NRIP1: variants seen among roughly 807,000 people sequenced by gnomAD.
The protein encoded by NRIP1 is nuclear receptor interacting protein 1.
A neutral mutation model predicts 75.0 loss-of-function variants in NRIP1; 28 were observed. That is an observed-to-expected ratio of 0.37 (90% confidence interval 0.28 to 0.51). The LOEUF (loss-of-function observed/expected upper bound fraction) is 0.51, where lower values mean the gene tolerates loss of function less well. NRIP1 is among the 20% of genes least tolerant of loss of function. The probability of loss-of-function intolerance (pLI) is 0.92; values close to 1 mark genes in which losing one functional copy is unlikely to be tolerated. For synonymous variants in NRIP1, 526 were observed against 487.6 expected (o/e 1.08, Z -1.04); for missense variants, 1,435 against 1,343.7 (o/e 1.07, Z -1.06).
intron 1 of NRIP1, among the ~76,000 whole-genome samples, chr21:15,049,054 T>C (rs1367233098): frequency 6.6e-6 from 1 of 152,216 alleles, no homozygotes; most frequent in Non-Finnish European, 1.5e-5. Flanking sequence ...ATGGCTTTCT[T>C]CTTAAAATTA....
chr21:15,007,533 A>G (rs1208186910), intron 3 of NRIP1, among the ~76,000 whole-genome samples: 1 of 152,238 alleles, frequency 6.6e-6, no homozygotes, highest in Non-Finnish European at 1.5e-5. Flanking sequence ...AGTAATTCTT[A>G]CAGGGGTGCT....
At chr21:15,052,593 T>A in intron 1 of NRIP1, among the ~76,000 whole-genome samples, 1 of 152,296 alleles carries the variant, frequency 6.6e-6, no homozygotes, top group African/African-American at 2.4e-5. Context: ...AGCCAATGAC[T>A]TAAACTACAG....
intron 3 of NRIP1, among the ~76,000 whole-genome samples, chr21:14,975,190 G>A (rs906296422): frequency 2.0e-5 from 3 of 151,956 alleles, no homozygotes; most frequent in African/African-American, 7.2e-5. Context: ...ACAGTCAGTG[G>A]TATTGCTTAT....
chr21:15,010,721 G>A (rs2088081912), intron 3 of NRIP1, among the ~76,000 whole-genome samples: 1 of 152,196 alleles, frequency 6.6e-6, no homozygotes, highest in African/African-American at 2.4e-5. Flanking sequence ...GGAAGATCTG[G>A]TGGTTGTAAA....
At chr21:15,050,982 T>C (rs538981987) in intron 1 of NRIP1, 31 of 441,876 alleles carry the variant, frequency 7.0e-5, no homozygotes, top group African/African-American at 4.4e-4. Context: ...TTATTAGTAG[T>C]AGTAGCAGTA....
At position 15,016,130 on chromosome 21, in the gene NRIP1, C is replaced by G. The variant is rs77752902; in HGVS notation, c.-457-1664G>C. Among the ~76,000 whole-genome samples the G allele has an allele frequency of 0.012, 1,841 of 152,222 alleles. 201 individuals are homozygous for G. In the East Asian group the frequency reaches 0.25, roughly 21 times the overall value. Reference sequence around the variant, plus strand: ...ATGACTGTATTTGATTTTCACAACTCGGTGAAATGAGCAGAGATTCCATTT... The same window carrying G: ...ATGACTGTATTTGATTTTCACAACTGGGTGAAATGAGCAGAGATTCCATTT... On this transcript the variant is annotated intron_variant, in intron 2 of 3. Coordinates refer to ENST00000318948, the MANE Select transcript of NRIP1 (RefSeq NM_003489.4).
intron 2 of NRIP1, among the ~76,000 whole-genome samples, chr21:15,032,868 T>C (rs779371896): frequency 3.9e-5 from 6 of 152,150 alleles, no homozygotes; most frequent in Non-Finnish European, 8.8e-5. Context: ...TACAAAAATA[T>C]AAAGTAGTCT....
Position 15,016,809 on chromosome 21 carries a change from T to C in NRIP1, c.-457-2343A>G, listed in dbSNP as rs191110014. Among the ~76,000 whole-genome samples the C allele has an allele frequency of 2.7e-3, 409 of 151,660 alleles. 1 individual carries two copies. Among genetic ancestry groups the C allele is most frequent in the Middle Eastern group, 6.8e-3 (2 of 292 alleles). On this transcript the variant is annotated intron_variant, in intron 2 of 3. Coordinates refer to ENST00000318948, the MANE Select transcript of NRIP1 (RefSeq NM_003489.4). ...CTGAGGCAGGAGAATGGTGTGAACC[T>C]GGGAGGCAGAGCTTGCAGTGAGCCA...
intron 3 of NRIP1, among the ~76,000 whole-genome samples, chr21:14,973,404 T>TAA (rs2086958852): frequency 4.6e-5 from 7 of 152,116 alleles, no homozygotes; most frequent in Admixed American, 4.6e-4. Flanking sequence ...ATTAGGTTGG[T>TAA]AGATATGACA....
At chr21:15,023,816 A>G (rs932118646) in intron 2 of NRIP1, among the ~76,000 whole-genome samples, 12 of 152,230 alleles carry the variant, frequency 7.9e-5, no homozygotes, top group African/African-American at 9.6e-5. Context: ...AGTTCTAATA[A>G]TTAAGCTAGT....
At position 14,967,458 on chromosome 21, in the gene NRIP1, G is replaced by T; in HGVS notation, c.735C>A (p.Ser245Arg). 1 of 1,613,816 alleles carries T rather than the reference G, an allele frequency of 6.2e-7. No individual in the cohort carries two copies. The highest frequency in any genetic ancestry group is 1.1e-5 in the South Asian group (1 of 91,028). The change falls in exon 4 of 4, where the codon AGC (serine) becomes AGA (arginine). Residue 245 changes from serine to arginine, a missense_variant. Coordinates refer to ENST00000318948, the MANE Select transcript of NRIP1 (RefSeq NM_003489.4). ...SCAARLQAVA[S>R]MVEKRASPAT... is the part of the protein sequence containing the mutation. ...CAGGACTAGCCCTTTTTTCCACCAT[G>T]CTTGCAACAGCCTGTAATCTTGCAG...
At chr21:15,018,996 G>A (rs1481973553) in intron 2 of NRIP1, among the ~76,000 whole-genome samples, 1 of 151,852 alleles carries the variant, frequency 6.6e-6, no homozygotes, top group Non-Finnish European at 1.5e-5. Context: ...CCTATGTGTA[G>A]TTTGTGAGTT....
Position 15,021,320 on chromosome 21 carries a change from T to A in NRIP1, c.-457-6854A>T, listed in dbSNP as rs539061773. On this transcript the variant is annotated intron_variant, in intron 2 of 3. Transcript: ENST00000318948. ...TATATTGTATGATTCCAAAAAGATA[T>A]CTATATTGTATGATTCCATTTATAT... Among the ~76,000 whole-genome samples the A allele has an allele frequency of 2.0e-3, 304 of 152,332 alleles. 2 individuals carry two copies. Among genetic ancestry groups the A allele is most frequent in the Non-Finnish European group, 3.7e-3 (254 of 68,034 alleles).
Position 14,968,398 on chromosome 21 carries a change from C to T in NRIP1, c.-206G>A, listed in dbSNP as rs534724284. 20 of 540,550 alleles carry T rather than the reference C, an allele frequency of 3.7e-5. 1 individual carries two copies. In the South Asian group the frequency reaches 5.6e-4, roughly 15 times the overall value. The allele number at this position is 540,550 out of a possible 1,614,324, so 33.5% of individuals were successfully genotyped here. On this transcript the variant is annotated 5_prime_UTR_variant, in exon 4 of 4. Transcript: ENST00000318948. ...GTCTGACCACAGTGCTGATCAACTTCTACGCAAGGAGGAGGAGAAGAATTC... is the reference window on the plus strand; with the variant it reads ...GTCTGACCACAGTGCTGATCAACTTTTACGCAAGGAGGAGGAGAAGAATTC...
intron 2 of NRIP1, among the ~76,000 whole-genome samples, chr21:15,019,949 T>G (rs987034269): frequency 1.3e-5 from 2 of 152,118 alleles, no homozygotes; most frequent in African/African-American, 4.8e-5. Flanking sequence ...GTAAAACATG[T>G]GCACTCAAAA....
At position 14,968,149 on chromosome 21, in the gene NRIP1, G is replaced by A. The variant is rs2086811693; in HGVS notation, c.44C>T (p.Ser15Phe). 6.2e-7 allele frequency: 1 copy of A among 1,613,572 alleles called. No individual in the cohort carries two copies. Among genetic ancestry groups the A allele is most frequent in the Non-Finnish European group, 8.5e-7 (1 of 1,179,844 alleles). Residue 15 changes from serine (S) to phenylalanine (F), a missense_variant, in exon 4 of 4, where the codon TCT becomes TTT. Physicochemically the swap from Ser to Phe is radical, Grantham distance 155. Coordinates refer to ENST00000318948, the MANE Select transcript of NRIP1 (RefSeq NM_003489.4). ...EELGSDVHQD[S>F]IVLTYLEGLL... ...TCCTTCTAGGTAAGTTAAAACAATA[G>A]AATCCTGGTGCACATCAGAGCCAAG...
At chr21:15,004,487 C>T (rs944666065) in intron 3 of NRIP1, among the ~76,000 whole-genome samples, 1 of 152,176 alleles carries the variant, frequency 6.6e-6, no homozygotes, top group African/African-American at 2.4e-5. Flanking sequence ...TACATTAAGT[C>T]TCAAGCACAG....
In NRIP1 at chr21:14,965,165, C is replaced by A. The variant is rs1173510723; in HGVS notation, c.3028G>T (p.Val1010Leu). Residue 1010 changes from valine to leucine, a missense_variant, in exon 4 of 4, where the codon GTG (valine) becomes TTG (leucine). Val to Leu is a conservative substitution (Grantham distance 32). Coordinates refer to ENST00000318948, the MANE Select transcript of NRIP1 (RefSeq NM_003489.4). The stretch of plus-strand genomic sequence containing the variant: ...AAGTGCTCAGGGAAAGTAGGACTCA[C>A]AGGAGTTTTTACTACACCTGGGTAT... ...FSYPGVVKTP[V>L]SPTFPEHLGC... The A allele has an allele frequency of 6.2e-7, 1 of 1,613,208 alleles. No homozygotes were observed. Among genetic ancestry groups the A allele is most frequent in the East Asian group, 2.2e-5 (1 of 44,866 alleles).
intron 2 of NRIP1, 62 bp from the exon 3 acceptor site, chr21:15,014,528 G>A (rs528235904): frequency 2.5e-6 from 1 of 398,150 alleles, no homozygotes. Flanking sequence ...AATACCTTTT[G>A]ATCAAGTTCA....
Sources: allele counts gnomAD v4.1 joint callset (sites outside exome capture counted in the v4.1 genomes callset), GRCh38; gene constraint gnomAD v4.1.1; transcripts MANE v1.5; gene names NCBI Gene and HGNC (gene_info 2026-07-23, HGNC 2026-07-21).